IKZF3: variants seen among roughly 807,000 people sequenced by gnomAD.
IKZF3 encodes zinc finger protein Aiolos.
A neutral mutation model predicts 49.0 loss-of-function variants in IKZF3; 10 were observed. The observed-to-expected ratio is 0.20, with a 90% CI of 0.13 to 0.35. The LOEUF (loss-of-function observed/expected upper bound fraction) is 0.35, where lower values mean the gene tolerates loss of function less well. IKZF3 is among the 10% of genes least tolerant of loss of function. The pLI is 1.00. For missense variants in IKZF3, 498 were observed against 664.8 expected (o/e 0.75, Z 2.76); for synonymous variants, 209 against 228.2 (o/e 0.92, Z 0.76).
chr17:39,791,887 CTTTTTTT>C (rs1211244204), intron 4 of IKZF3, among the ~76,000 whole-genome samples: 1 of 126,836 alleles, frequency 7.9e-6, no homozygotes, highest in East Asian at 2.1e-4. Context: ...TTGGTACTCC[CTTTTTTT>C]TTTTTTTTTT....
At chr17:39,828,443 C>G (rs2062015519) in intron 3 of IKZF3, among the ~76,000 whole-genome samples, 1 of 152,102 alleles carries the variant, frequency 6.6e-6, no homozygotes, top group South Asian at 2.1e-4. Flanking sequence ...TGGGCATAAA[C>G]AGTAAGAAGG....
At chr17:39,861,482 A>C (rs968277228) in intron 1 of IKZF3, among the ~76,000 whole-genome samples, 1 of 152,220 alleles carries the variant, frequency 6.6e-6, no homozygotes, top group East Asian at 1.9e-4. Flanking sequence ...GATTAAAGGA[A>C]GTACAAACAG....
intron 3 of IKZF3, among the ~76,000 whole-genome samples, chr17:39,823,665 C>T (rs1402316320): frequency 1.3e-5 from 2 of 152,142 alleles, no homozygotes; most frequent in Non-Finnish European, 2.9e-5. Flanking sequence ...GTCCCAGCTG[C>T]TCCAGCTGCA....
Position 39,810,233 on chromosome 17 carries a change from C to A in IKZF3, c.164-17300G>T, listed in dbSNP as rs1250225866. ...GCATTTTTCAAATTTTTTGCTCAAG[C>A]ATCCTCAAAAGAATTTTGAAAAATT... is the stretch of plus-strand genomic sequence containing the variant. On this transcript the variant is annotated intron_variant, in intron 3 of 7. Transcript: ENST00000346872. Among the ~76,000 whole-genome samples the A allele has an allele frequency of 3.9e-5, 6 of 152,142 alleles. 1 individual carries two copies. Among genetic ancestry groups the A allele is most frequent in the African/African-American group, 1.4e-4 (6 of 41,432 alleles).
At chr17:39,839,021 G>C (rs1385416013) in intron 1 of IKZF3, among the ~76,000 whole-genome samples, 3 of 152,068 alleles carry the variant, frequency 2.0e-5, no homozygotes, top group African/African-American at 7.2e-5. Context: ...TGTAGTGACA[G>C]AGTCTCACTA....
At position 39,817,098 on chromosome 17, in the gene IKZF3, T is replaced by C. The variant is rs544455940; in HGVS notation, c.163+12289A>G. ...TCTAGTTGGGTAAAGCCTTTTCCCC[T>C]AGAAATTAGTCTGTCTTTCCGCAAG... On this transcript the variant is annotated intron_variant, in intron 3 of 7. Coordinates refer to ENST00000346872, the MANE Select transcript of IKZF3 (RefSeq NM_012481.5). 7.9e-5 allele frequency among the ~76,000 whole-genome samples: 12 copies of C among 152,342 alleles called. 1 individual carries two copies. In the South Asian group the frequency reaches 2.5e-3, roughly 32 times the overall value.
Position 39,791,343 on chromosome 17 carries a change from C to G in IKZF3, c.592+73G>C, listed in dbSNP as rs575181953. 547 of 1,500,922 alleles carry G rather than the reference C, an allele frequency of 3.6e-4. 10 individuals are homozygous for G. In the South Asian group the frequency reaches 6.1e-3, roughly 17 times the overall value. The allele number at this position is 1,500,922 out of a possible 1,614,324, so 93.0% of individuals were successfully genotyped here. A position where few individuals can be genotyped will look rare whatever the true frequency, so the allele number is the denominator to read the frequency against. Reference sequence around the variant, plus strand: ...GACAGATTGAAACCTTCCTACTTAACTCTTTCTAGTTTCCACACTGGGCTC... The same window carrying G: ...GACAGATTGAAACCTTCCTACTTAAGTCTTTCTAGTTTCCACACTGGGCTC... On this transcript the variant is annotated intron_variant, in intron 5 of 7. Coordinates refer to ENST00000346872, the MANE Select transcript of IKZF3 (RefSeq NM_012481.5).
At chr17:39,806,071 A>G (rs2061426003) in intron 3 of IKZF3, among the ~76,000 whole-genome samples, 1 of 152,160 alleles carries the variant, frequency 6.6e-6, no homozygotes, top group Non-Finnish European at 1.5e-5. Flanking sequence ...TGGGCTTTGG[A>G]GTAAGACAGA....
intron 3 of IKZF3, among the ~76,000 whole-genome samples, chr17:39,823,024 G>A (rs2061852677): frequency 6.6e-6 from 1 of 152,144 alleles, no homozygotes; most frequent in South Asian, 2.1e-4. Flanking sequence ...CAGTTTGGAG[G>A]GCTCAGAAGA....
intron 3 of IKZF3, among the ~76,000 whole-genome samples, chr17:39,797,857 C>G (rs2061210930): frequency 6.6e-6 from 1 of 152,082 alleles, no homozygotes. Context: ...CTACACCCCT[C>G]TTGTATGGCA....
chr17:39,819,048 G>A (rs541699018), intron 3 of IKZF3, among the ~76,000 whole-genome samples: 1 of 152,262 alleles, frequency 6.6e-6, no homozygotes, highest in Admixed American at 6.5e-5. Flanking sequence ...TTAACCCATT[G>A]ACATGTAGTT....
At chr17:39,797,934 G>A (rs1361290950) in intron 3 of IKZF3, among the ~76,000 whole-genome samples, 3 of 151,734 alleles carry the variant, frequency 2.0e-5, no homozygotes, top group Non-Finnish European at 4.4e-5. Flanking sequence ...ATAACTCCAG[G>A]TGTAACCTCT....
At chr17:39,779,647 T>C (rs12946417) in intron 6 of IKZF3, among the ~76,000 whole-genome samples, 1 of 31,812 alleles carries the variant, frequency 3.1e-5, no homozygotes, top group Non-Finnish European at 6.5e-5. Context: ...ATATTCTTTG[T>C]TTTTTGTTTT....
intron 1 of IKZF3, among the ~76,000 whole-genome samples, chr17:39,842,796 C>T (rs1315692355): frequency 1.3e-5 from 2 of 152,058 alleles, no homozygotes; most frequent in Non-Finnish European, 2.9e-5. Context: ...TTATTAATTA[C>T]AAGGTTGAAA....
intron 7 of IKZF3, among the ~76,000 whole-genome samples, chr17:39,768,761 T>C (rs1346087960): frequency 1.3e-5 from 2 of 152,356 alleles, no homozygotes; most frequent in Non-Finnish European, 2.9e-5. Context: ...CTTTCTTTTT[T>C]TCTTTTTCTA....
At chr17:39,814,033 T>C (rs2061622611) in intron 3 of IKZF3, among the ~76,000 whole-genome samples, 1 of 152,032 alleles carries the variant, frequency 6.6e-6, no homozygotes, top group African/African-American at 2.4e-5. Flanking sequence ...TGTGGCTTAA[T>C]TTTTTTTCCC....
intron 6 of IKZF3, among the ~76,000 whole-genome samples, chr17:39,781,057 G>A (rs1399354785): frequency 6.6e-6 from 1 of 152,164 alleles, no homozygotes; most frequent in Non-Finnish European, 1.5e-5. Flanking sequence ...GTACTCGACT[G>A]ACTCTGGCTG....
intron 3 of IKZF3, among the ~76,000 whole-genome samples, chr17:39,798,115 T>C (rs568084050): frequency 1.3e-5 from 2 of 152,260 alleles, no homozygotes; most frequent in African/African-American, 4.8e-5. Context: ...CTCCTGTATT[T>C]TGCATGCCCA....
chr17:39,837,654 T>C (rs2062335415), intron 1 of IKZF3, among the ~76,000 whole-genome samples: 1 of 151,956 alleles, frequency 6.6e-6, no homozygotes. Flanking sequence ...CTTTTTTTTT[T>C]TTGAGACGGA....
Sources: allele counts gnomAD v4.1 joint callset (sites outside exome capture counted in the v4.1 genomes callset), GRCh38; gene constraint gnomAD v4.1.1; transcripts MANE v1.5; gene names NCBI Gene and HGNC (gene_info 2026-07-23, HGNC 2026-07-21).